The following SEMA3A variants were observed in gnomAD, a reference collection of about 807,000 sequenced individuals.
SEMA3A encodes semaphorin 3A.
In SEMA3A, 29 loss-of-function variants were observed where a neutral mutation model predicts 97.9. The ratio of observed to expected loss-of-function variants is 0.30; its 90% CI spans 0.22 to 0.40. The LOEUF is 0.40. Ranked by LOEUF, SEMA3A falls within the 10% of genes least tolerant of loss-of-function variation. The pLI, the probability that SEMA3A is intolerant of heterozygous loss-of-function variation, is 1.00. For synonymous variants in SEMA3A, 321 were observed against 323.7 expected (o/e 0.99, Z 0.09); for missense variants, 763 against 951.3 (o/e 0.80, Z 2.60).
At chr7:84,309,015 A>T (rs1357259955) in intron 2 of SEMA3A, among the ~76,000 whole-genome samples, 1 of 151,918 alleles carries the variant, frequency 6.6e-6, no homozygotes, top group Non-Finnish European at 1.5e-5. Context: ...ACGGGGTTTC[A>T]TCATGTTGGC....
At chr7:84,146,255 A>T (rs1016821095) in intron 1 of SEMA3A, among the ~76,000 whole-genome samples, 1 of 152,198 alleles carries the variant, frequency 6.6e-6, no homozygotes, top group Non-Finnish European at 1.5e-5. Flanking sequence ...GGAAATGGTT[A>T]ACTAGATAAT....
chr7:84,270,416 A>G (rs1167240958), intron 3 of SEMA3A, among the ~76,000 whole-genome samples: 1 of 151,742 alleles, frequency 6.6e-6, no homozygotes, highest in Admixed American at 6.6e-5. Flanking sequence ...AAATAAATCC[A>G]TCTCCTTAGT....
chr7:84,327,417 T>A (rs1279776283), intron 2 of SEMA3A, among the ~76,000 whole-genome samples: 1 of 151,392 alleles, frequency 6.6e-6, no homozygotes, highest in East Asian at 1.9e-4. Flanking sequence ...AGGGAGGTAG[T>A]GGGAGAAAGA....
intron 1 of SEMA3A, among the ~76,000 whole-genome samples, chr7:84,412,310 C>T (rs903641513): frequency 9.9e-5 from 15 of 152,260 alleles, no homozygotes; most frequent in African/African-American, 3.6e-4. Flanking sequence ...CCAGCTGCAT[C>T]TCTAATTATG....
chr7:84,017,577 A>C (rs1035341989), intron 6 of SEMA3A, among the ~76,000 whole-genome samples: 1 of 152,174 alleles, frequency 6.6e-6, no homozygotes, highest in Non-Finnish European at 1.5e-5. Context: ...CCCATTTCCA[A>C]ATAAAACAGG....
chr7:84,458,670 C>G (rs992947696), intron 1 of SEMA3A, among the ~76,000 whole-genome samples: 4 of 151,908 alleles, frequency 2.6e-5, no homozygotes, highest in African/African-American at 9.7e-5. Flanking sequence ...CACCAGAAAT[C>G]ATTATTGCTT....
intron 3 of SEMA3A, among the ~76,000 whole-genome samples, chr7:84,210,504 A>C (rs1798601169): frequency 6.6e-6 from 1 of 152,204 alleles, no homozygotes; most frequent in South Asian, 2.1e-4. Context: ...TTGCAAATAA[A>C]TAGGAGAGAA....
chr7:83,976,257 A>G lies in SEMA3A; in HGVS notation c.1717+875T>C, dbSNP rs568614814. Among the ~76,000 whole-genome samples the G allele has an allele frequency of 6.4e-4, 98 of 152,302 alleles. 1 individual carries two copies. In the South Asian group the frequency reaches 0.019, roughly 30 times the overall value. On this transcript the variant is annotated intron_variant, in intron 15 of 16. Transcript: ENST00000265362. ...TAAACATGAATATTCCACACATAAAATTAGTAAATCAAAGAAAAGTCAACT... is the reference window on the plus strand; with the variant it reads ...TAAACATGAATATTCCACACATAAAGTTAGTAAATCAAAGAAAAGTCAACT...
At chr7:83,978,419 G>T (rs560829496) in intron 14 of SEMA3A, among the ~76,000 whole-genome samples, 1 of 152,050 alleles carries the variant, frequency 6.6e-6, no homozygotes, top group African/African-American at 2.4e-5. Flanking sequence ...TAGTCACTGC[G>T]GTGCAACAAA....
At chr7:83,988,653 G>C (rs1457724875) in intron 12 of SEMA3A, among the ~76,000 whole-genome samples, 1 of 152,022 alleles carries the variant, frequency 6.6e-6, no homozygotes, top group Non-Finnish European at 1.5e-5. Flanking sequence ...GTATAATTTA[G>C]AGATTTTCCA....
At chr7:83,970,019 G>C (rs740948) in intron 15 of SEMA3A, among the ~76,000 whole-genome samples, 10 of 151,960 alleles carry the variant, frequency 6.6e-5, no homozygotes, top group Admixed American at 2.0e-4. Flanking sequence ...TGAAAATTGC[G>C]AGTAGAAAAG....
intron 1 of SEMA3A, among the ~76,000 whole-genome samples, chr7:84,429,539 T>G (rs1357636818): frequency 8.4e-5 from 10 of 119,710 alleles, no homozygotes; most frequent in African/African-American, 2.9e-4. Flanking sequence ...TATATATATA[T>G]ATATATATAG....
At chr7:84,311,002 A>T (rs1185996933) in intron 2 of SEMA3A, among the ~76,000 whole-genome samples, 1 of 149,588 alleles carries the variant, frequency 6.7e-6, no homozygotes, top group African/African-American at 2.5e-5. Flanking sequence ...AGTAGATGTT[A>T]TATATATATA....
At chr7:84,352,310 A>C (rs752505258) in intron 2 of SEMA3A, among the ~76,000 whole-genome samples, 2 of 151,946 alleles carry the variant, frequency 1.3e-5, no homozygotes, top group Non-Finnish European at 2.9e-5. Context: ...GAGATCTTGT[A>C]TTTAATAGCA....
At chr7:83,991,750 A>G (rs1789950590) in intron 12 of SEMA3A, among the ~76,000 whole-genome samples, 1 of 146,434 alleles carries the variant, frequency 6.8e-6, no homozygotes, top group African/African-American at 2.5e-5. Flanking sequence ...TTTTGCATCA[A>G]TGTTCATCAA....
intron 1 of SEMA3A, among the ~76,000 whole-genome samples, chr7:84,171,691 T>A (rs1248281294): frequency 3.3e-5 from 5 of 152,144 alleles, no homozygotes; most frequent in African/African-American, 1.2e-4. Flanking sequence ...AAACCTAAGA[T>A]GATGTAAATG....
chr7:84,432,643 G>T (rs1445685867), intron 1 of SEMA3A, among the ~76,000 whole-genome samples: 1 of 152,050 alleles, frequency 6.6e-6, no homozygotes, highest in Admixed American at 6.6e-5. Flanking sequence ...ACGGTATTTT[G>T]TTTTCTGTTC....
chr7:83,990,921 T>G (rs1436924682), intron 12 of SEMA3A, among the ~76,000 whole-genome samples: 1 of 152,120 alleles, frequency 6.6e-6, no homozygotes, highest in Non-Finnish European at 1.5e-5. Flanking sequence ...GTATGACCAT[T>G]TTCACGATAT....
At chr7:84,387,665 T>G (rs984489846) in intron 1 of SEMA3A, among the ~76,000 whole-genome samples, 3 of 152,174 alleles carry the variant, frequency 2.0e-5, no homozygotes, top group African/African-American at 7.2e-5. Context: ...AATCAGAAAA[T>G]GGGTTTTGAC....
Sources: gnomAD v4.1 joint callset for allele counts (sites outside exome capture counted in the v4.1 genomes callset) on GRCh38, gnomAD v4.1.1 for gene constraint, MANE v1.5 for transcripts, NCBI Gene and HGNC (gene_info 2026-07-23, HGNC 2026-07-21) for gene names.